Variants in FOXK1 observed in about 807,000 individuals in gnomAD.
FOXK1 encodes forkhead box K1.
A neutral mutation model predicts 51.9 loss-of-function variants in FOXK1; 19 were observed. That is an observed-to-expected ratio of 0.37 (90% CI 0.26 to 0.54). FOXK1 has a LOEUF of 0.54. Ranked by LOEUF, FOXK1 falls within the 20% of genes least tolerant of loss-of-function variation. FOXK1 has a pLI of 0.87. For synonymous variants in FOXK1, 537 were observed against 482.6 expected (o/e 1.11, Z -1.48); for missense variants, 870 against 1,032.7 (o/e 0.84, Z 2.16).
intron 1 of FOXK1, 73 bp from the exon 2 acceptor site, chr7:4,740,765 G>T: frequency 6.8e-7 from 1 of 1,467,610 alleles, no homozygotes; most frequent in Non-Finnish European, 9.2e-7. Context: ...ACACAGACAC[G>T]CACCTTCCCT....
rs937375032 is a variant in FOXK1 at position 4,748,453 on chromosome 7, T to C, written c.747-6006T>C. Among the ~76,000 whole-genome samples, 3 of 152,212 alleles carry C rather than the reference T, an allele frequency of 2.0e-5. No homozygotes were observed. The highest frequency in any genetic ancestry group is 7.2e-5 in the African/African-American group (3 of 41,458). ...CTTAGCCATTTCCTTCCTTGTACTT[T>C]TGGCTTATTTCCGCCACACTCCCCC... On this transcript the variant is annotated intron_variant, in intron 2 of 8. Transcript: ENST00000328914. The surrounding 1 kb of genome is among the most constrained non-coding windows in gnomAD (Gnocchi z 4.9).
chr7:4,749,450 C>T lies in FOXK1; in HGVS notation c.747-5009C>T, dbSNP rs1184356581. Among the ~76,000 whole-genome samples, 1 of 152,198 alleles carries T rather than the reference C, an allele frequency of 6.6e-6. No homozygotes were observed. Among genetic ancestry groups the T allele is most frequent in the Non-Finnish European group, 1.5e-5 (1 of 68,024 alleles). ...CTGGGGCAGGGACCCCAAGCGTCCT[C>T]CTCTGCAGGGAGGTTCCCCCAGGAG... On this transcript the variant is annotated intron_variant, in intron 2 of 8. Coordinates refer to ENST00000328914, the MANE Select transcript of FOXK1 (RefSeq NM_001037165.2). The surrounding 1 kb of genome is among the most constrained non-coding windows in gnomAD (Gnocchi z 6.0).
At chr7:4,701,816 C>G (rs916033423) in intron 1 of FOXK1, among the ~76,000 whole-genome samples, 4 of 152,254 alleles carry the variant, frequency 2.6e-5, no homozygotes, top group African/African-American at 7.2e-5. Context: ...TGGTGGGAAC[C>G]TGGGAGGCGG....
chr7:4,689,772 C>A (rs139642319), intron 1 of FOXK1, among the ~76,000 whole-genome samples: 1 of 152,178 alleles, frequency 6.6e-6, no homozygotes, highest in Admixed American at 6.5e-5. Flanking sequence ...CTGGGGAAGT[C>A]GAATGCCCCA....
At chr7:4,699,292 T>G (rs1176552645) in intron 1 of FOXK1, among the ~76,000 whole-genome samples, 1 of 151,644 alleles carries the variant, frequency 6.6e-6, no homozygotes, top group Non-Finnish European at 1.5e-5. Context: ...TTAGTTTTTT[T>G]TTTTTTTTTT....
intron 1 of FOXK1, among the ~76,000 whole-genome samples, chr7:4,690,315 G>C (rs118059772): frequency 9.2e-5 from 14 of 152,366 alleles, no homozygotes; most frequent in African/African-American, 2.9e-4. Context: ...TTTCAGTCCG[G>C]TTGTATCTTG....
At chr7:4,760,577 G>A (rs1299348028) in intron 7 of FOXK1, among the ~76,000 whole-genome samples, 2 of 152,198 alleles carry the variant, frequency 1.3e-5, no homozygotes, top group African/African-American at 4.8e-5. Flanking sequence ...TAGGCCGGGC[G>A]CGGTGGCTCA....
At chr7:4,741,155 G>C in intron 2 of FOXK1, 132 bp downstream of exon 2, 2 of 622,208 alleles carry the variant, frequency 3.2e-6, no homozygotes, top group Non-Finnish European at 5.0e-6. Context: ...AGAAAGTGTT[G>C]TACGTCCATC....
At chr7:4,759,636 T>C in intron 7 of FOXK1, 41 bp downstream of exon 7, 1 of 1,508,564 alleles carries the variant, frequency 6.6e-7, no homozygotes, top group Non-Finnish European at 8.8e-7. Context: ...GGACCCTTTG[T>C]GGTGGTCCCG....
At position 4,707,063 on chromosome 7, in the gene FOXK1, T is replaced by G. The variant is rs1164672001; in HGVS notation, c.560+24195T>G. On this transcript the variant is annotated intron_variant, in intron 1 of 8. Coordinates refer to ENST00000328914, the MANE Select transcript of FOXK1 (RefSeq NM_001037165.2). The surrounding 1 kb of genome is among the most constrained non-coding windows in gnomAD (Gnocchi z 4.1). ...AAAATAAAAGACTAAAAACTAACGG[T>G]TGCTTCCTGCCTTTGTCCGTAATGG... Among the ~76,000 whole-genome samples the G allele has an allele frequency of 1.3e-5, 2 of 152,254 alleles. No individual in the cohort carries two copies. Among genetic ancestry groups the G allele is most frequent in the African/African-American group, 4.8e-5 (2 of 41,464 alleles).
In FOXK1 at chr7:4,731,734, G is replaced by A. The variant is rs1452055567; in HGVS notation, c.561-9104G>A. On this transcript the variant is annotated intron_variant, in intron 1 of 8. Coordinates refer to ENST00000328914, the MANE Select transcript of FOXK1 (RefSeq NM_001037165.2). The surrounding 1 kb of genome is among the most constrained non-coding windows in gnomAD (Gnocchi z 5.3). ...AGATTGCACCACTGCACTCCAGCCTGGGCAACAAAGCGAAACTCTGCCTCA... is the reference window on the plus strand; with the variant it reads ...AGATTGCACCACTGCACTCCAGCCTAGGCAACAAAGCGAAACTCTGCCTCA... Among the ~76,000 whole-genome samples, 1 of 150,082 alleles carries A rather than the reference G, an allele frequency of 6.7e-6. No individual in the cohort carries two copies. The highest frequency in any genetic ancestry group is 2.5e-5 in the African/African-American group (1 of 40,598).
At position 4,740,831 on chromosome 7, in the gene FOXK1, G is replaced by C. The variant is rs771955821; in HGVS notation, c.561-7G>C. On this transcript the variant is annotated splice_polypyrimidine_tract_variant and splice_region_variant and intron_variant, in intron 1 of 8. Coordinates refer to ENST00000328914, the MANE Select transcript of FOXK1 (RefSeq NM_001037165.2). ...GCACCTCACACCCGCTCCTCCTCCTGTTGCAGGTGTACCTTCCGGTTTCCC... is the reference window on the plus strand; with the variant it reads ...GCACCTCACACCCGCTCCTCCTCCTCTTGCAGGTGTACCTTCCGGTTTCCC... 3 of 1,589,318 alleles carry C rather than the reference G, an allele frequency of 1.9e-6. No individual in the cohort carries two copies. The South Asian group carries it at 3.4e-5, about 18-fold the overall frequency.
chr7:4,759,545 C>T lies in FOXK1; in HGVS notation c.1646C>T (p.Ser549Phe). 1 of 1,553,938 alleles carries T rather than the reference C, an allele frequency of 6.4e-7. No individual in the cohort carries two copies. Among genetic ancestry groups the T allele is most frequent in the South Asian group, 1.2e-5 (1 of 85,316 alleles). ...ILTSQGAAGG[S>F]HDAAGAAVLD... The stretch of plus-strand genomic sequence containing the variant: ...ACCAGCCAGGGCGCGGCGGGGGGCT[C>T]CCATGATGCGGCGGGCGCAGCCGTG... Residue 549 changes from serine (S) to phenylalanine (F), a missense_variant, in exon 7 of 9, where the codon TCC becomes TTC. Around this residue, in one of 3 missense-constraint regions of FOXK1, gnomAD observed 457 missense variants for 510.8 expected, o/e 0.89. Transcript: ENST00000328914.
At position 4,693,875 on chromosome 7, in the gene FOXK1, A is replaced by T. The variant is rs570083519; in HGVS notation, c.560+11007A>T. ...TCATCTGGCTTCAAATAATCTCTTT[A>T]AAAAAATAACAAAAGTTTTTTTTCT... On this transcript the variant is annotated intron_variant, in intron 1 of 8. Transcript: ENST00000328914. Among the ~76,000 whole-genome samples the T allele has an allele frequency of 7.2e-5, 11 of 151,920 alleles. No homozygotes were observed. The South Asian group carries it at 2.3e-3, about 32-fold the overall frequency.
rs1780861091 is a variant in FOXK1 at position 4,756,963 on chromosome 7, G to A, written c.1051-31G>A. 5 of 1,606,404 alleles carry A rather than the reference G, an allele frequency of 3.1e-6. No individual in the cohort carries two copies. Among genetic ancestry groups the A allele is most frequent in the Admixed American group, 3.4e-5 (2 of 59,456 alleles). ...GTGGGACTCATTTTCTGATTTGCTG[G>A]TGATGGGTGAATATCTCTGCTTCCC... On this transcript the variant is annotated intron_variant, in intron 4 of 8. Coordinates refer to ENST00000328914, the MANE Select transcript of FOXK1 (RefSeq NM_001037165.2). The surrounding 1 kb of genome is among the most constrained non-coding windows in gnomAD (Gnocchi z 4.1).
At chr7:4,692,203 A>C (rs1396937557) in intron 1 of FOXK1, among the ~76,000 whole-genome samples, 3 of 152,210 alleles carry the variant, frequency 2.0e-5, no homozygotes, top group Non-Finnish European at 4.4e-5. Context: ...TGTCTGGCTT[A>C]ATAGAAGACA....
intron 1 of FOXK1, among the ~76,000 whole-genome samples, chr7:4,686,001 G>T (rs945156752): frequency 2.0e-5 from 3 of 151,654 alleles, no homozygotes; most frequent in African/African-American, 7.3e-5. Context: ...CTATTATGTT[G>T]AAAGTCATTA....
intron 1 of FOXK1, among the ~76,000 whole-genome samples, chr7:4,687,231 C>CA (rs1779831395): frequency 6.6e-6 from 1 of 151,636 alleles, no homozygotes; most frequent in Non-Finnish European, 1.5e-5. Flanking sequence ...CACGCCCGGC[C>CA]TTTTTTTTCC....
In FOXK1 at chr7:4,707,395, C is replaced by T. The variant is rs968378508; in HGVS notation, c.560+24527C>T. On this transcript the variant is annotated intron_variant, in intron 1 of 8. Transcript: ENST00000328914. The surrounding 1 kb of genome is among the most constrained non-coding windows in gnomAD (Gnocchi z 4.1). Reference sequence around the variant, plus strand: ...AACAATTAAGCTAGTTTAGTACATCCGGCAATGCTGCTGAAAGCAGGCCTC... The same window carrying T: ...AACAATTAAGCTAGTTTAGTACATCTGGCAATGCTGCTGAAAGCAGGCCTC... 6.6e-6 allele frequency among the ~76,000 whole-genome samples: 1 copy of T among 152,220 alleles called. No individual in the cohort carries two copies. The highest frequency in any genetic ancestry group is 2.4e-5 in the African/African-American group (1 of 41,456).
Sources: allele counts gnomAD v4.1 joint callset (sites outside exome capture counted in the v4.1 genomes callset), GRCh38; gene constraint gnomAD v4.1.1; regional missense constraint gnomAD v4.1.1; non-coding constraint Gnocchi (gnomAD v3.1); transcripts MANE v1.5; gene names NCBI Gene and HGNC (gene_info 2026-07-23, HGNC 2026-07-21).